The following REEP4 variants were observed in gnomAD, a reference collection of about 807,000 sequenced individuals.
The protein encoded by REEP4 is receptor accessory protein 4, also known as receptor expression-enhancing protein 4.
In REEP4, 17 loss-of-function variants were observed where a neutral mutation model predicts 33.5. The ratio of observed to expected loss-of-function variants is 0.51; its 90% CI spans 0.35 to 0.76. The LOEUF is 0.76. REEP4 is among the 30% of genes least tolerant of loss of function. The probability of loss-of-function intolerance (pLI) is 0.01; values close to 1 mark genes in which losing one functional copy is unlikely to be tolerated. For missense variants in REEP4, 340 were observed against 357.9 expected (o/e 0.95, Z 0.40); for synonymous variants, 157 against 142.9 (o/e 1.10, Z -0.70).
At chr8:22,138,872 G>A (rs747610970) in intron 6 of REEP4, 54 bp downstream of exon 6, 4 of 1,550,254 alleles carry the variant, frequency 2.6e-6, no homozygotes, top group Non-Finnish European at 3.5e-6. Context: ...GCCATGGTGT[G>A]AGTGAAGGAA....
At position 22,138,436 on chromosome 8, in the gene REEP4, C is replaced by T; in HGVS notation, c.*51G>A. ...TGCAGCCCAAGGTCCCTCCAAATAG[C>T]CCTGGAGCCCTGCAGGGCACGAGGT... On this transcript the variant is annotated 3_prime_UTR_variant, in exon 8 of 8. Coordinates refer to ENST00000306306, the MANE Select transcript of REEP4 (RefSeq NM_025232.4). 2 of 1,600,894 alleles carry T rather than the reference C, an allele frequency of 1.2e-6. No homozygotes were observed. The highest frequency in any genetic ancestry group is 1.7e-6 in the Non-Finnish European group (2 of 1,172,390).
At position 22,139,051 on chromosome 8, in the gene REEP4, GC is replaced by G; in HGVS notation, c.427del (p.Ala143ArgfsTer77). On this transcript the variant is annotated frameshift_variant, in exon 6 of 8. Transcript: ENST00000306306. LOFTEE classifies it high-confidence loss of function. ...AVQAATKSQG[A>X]LAGRLRSFSM... ...GAAGCTCCGCAGCCTGCCGGCCAGC[GC>G]CCCCTGACTCTGCGAGGGGGAAGAG... 3.8e-6 allele frequency: 6 copies of G among 1,569,622 alleles called. No individual in the cohort carries two copies. The highest frequency in any genetic ancestry group is 1.2e-5 in the South Asian group (1 of 83,550).
chr8:22,138,835 C>G (rs1173133214), intron 6 of REEP4, 42 bp from the exon 7 acceptor site: 1 of 1,568,820 alleles, frequency 6.4e-7, no homozygotes, highest in East Asian at 2.2e-5. Context: ...TGCGACCAGG[C>G]CAGCCCTTCC....
Position 22,138,692 on chromosome 8 carries a change from G to A in REEP4, c.655C>T (p.Leu219=). ...ACACGCAGGCTCTGGCTGCGGATTA[G>A]GGGCTTCTCTCGGGGCCGGGCTGGC... ...RAPARPREKP[L]IRSQSLRVVK... The change falls in exon 7 of 8, where the codon CTA becomes TTA. Residue 219 remains leucine, a synonymous_variant. Coordinates refer to ENST00000306306, the MANE Select transcript of REEP4 (RefSeq NM_025232.4). The A allele has an allele frequency of 6.2e-7, 1 of 1,613,572 alleles. No homozygotes were observed. Among genetic ancestry groups the A allele is most frequent in the Non-Finnish European group, 8.5e-7 (1 of 1,179,952 alleles).
rs146300807 is a variant in REEP4 at position 22,138,701 on chromosome 8, C to G, written c.646G>C (p.Glu216Gln). 2.5e-6 allele frequency: 4 copies of G among 1,613,334 alleles called. No homozygotes were observed. Among genetic ancestry groups the G allele is most frequent in the Non-Finnish European group, 3.4e-6 (4 of 1,179,902 alleles). Residue 216 changes from glutamate (E) to glutamine (Q), a missense_variant, in exon 7 of 8, where the codon GAG becomes CAG. Coordinates refer to ENST00000306306, the MANE Select transcript of REEP4 (RefSeq NM_025232.4). Reference sequence around the variant, plus strand: ...CTCTGGCTGCGGATTAGGGGCTTCTCTCGGGGCCGGGCTGGCGCCCGGGGG... The same window carrying G: ...CTCTGGCTGCGGATTAGGGGCTTCTGTCGGGGCCGGGCTGGCGCCCGGGGG... Reference protein sequence around the residue: ...AVPRAPARPREKPLIRSQSLR... With the variant: ...AVPRAPARPRQKPLIRSQSLR...
At chr8:22,138,602 A>G (rs1171162279) in intron 7 of REEP4, 37 bp downstream of exon 7, 1 of 1,613,964 alleles carries the variant, frequency 6.2e-7, no homozygotes, top group Admixed American at 1.7e-5. Context: ...ACCAGCCAGC[A>G]GAGCCCTCCT....
Position 22,140,192 on chromosome 8 carries a change from A to T in REEP4, c.162T>A (p.Val54=), listed in dbSNP as rs776952146. Residue 54 remains valine (V), a synonymous_variant, in exon 3 of 8, where the codon GTT becomes GTA. Coordinates refer to ENST00000306306, the MANE Select transcript of REEP4 (RefSeq NM_025232.4). ...CATACCAGGAGATAAAAATGTCTGT[A>T]ACGATCTCTGCTGCCATGAAGAGTG... is the stretch of plus-strand genomic sequence containing the variant. ...VFALFMAAEI[V]TDIFISWFPF... is the part of the protein sequence containing the mutation. 1.1e-5 allele frequency: 17 copies of T among 1,614,012 alleles called. No individual in the cohort carries two copies. Among genetic ancestry groups the T allele is most frequent in the Middle Eastern group, 1.6e-4 (1 of 6,084 alleles).
chr8:22,139,858 G>A, intron 4 of REEP4, 105 bp downstream of exon 4: 1 of 1,396,972 alleles, frequency 7.2e-7, no homozygotes, highest in South Asian at 1.3e-5. Flanking sequence ...ATAGCAGCAG[G>A]ACTGGGATAG....
Position 22,141,755 on chromosome 8 carries a change from C to T in REEP4, c.-273G>A. On this transcript the variant is annotated 5_prime_UTR_variant, in exon 1 of 8. Transcript: ENST00000306306. ...CCGCGGCCGGGGCAGTTACAGCTCC[C>T]ACCCGCCCTTTCTGCCGCGGAGAAC... The T allele has an allele frequency of 5.0e-6, 2 of 400,706 alleles. No individual in the cohort carries two copies. The highest frequency in any genetic ancestry group is 8.9e-6 in the Non-Finnish European group (2 of 225,764). 24.8% of individuals were successfully genotyped at this position (400,706 alleles called of 1,614,324 possible).
At chr8:22,139,616 C>A in intron 4 of REEP4, 87 bp from the exon 5 acceptor site, 1 of 1,138,456 alleles carries the variant, frequency 8.8e-7, no homozygotes, top group Non-Finnish European at 1.3e-6. Context: ...GGTTGTGGCG[C>A]CACCCAGCCC....
In REEP4 at chr8:22,138,781, C is replaced by T; in HGVS notation, c.566G>A (p.Gly189Glu). Residue 189 changes from glycine (G) to glutamate (E), a missense_variant, in exon 7 of 8, where the codon GGG becomes GAG. Coordinates refer to ENST00000306306, the MANE Select transcript of REEP4 (RefSeq NM_025232.4). ...HRRPPIGYRA[G>E]GLQDSDTEDE... Reference sequence around the variant, plus strand: ...CTCGGTGTCGCTGTCCTGCAGGCCCCCGGCCCGGTACCCTGTGTGGAGGAG... The same window carrying T: ...CTCGGTGTCGCTGTCCTGCAGGCCCTCGGCCCGGTACCCTGTGTGGAGGAG... The T allele has an allele frequency of 6.2e-7, 1 of 1,605,132 alleles. No homozygotes were observed. Among genetic ancestry groups the T allele is most frequent in the African/African-American group, 1.3e-5 (1 of 74,302 alleles).
chr8:22,138,704 G>C lies in REEP4; in HGVS notation c.643C>G (p.Arg215Gly). The C allele has an allele frequency of 1.2e-6, 2 of 1,613,112 alleles. No homozygotes were observed. The highest frequency in any genetic ancestry group is 1.7e-6 in the Non-Finnish European group (2 of 1,179,832). The change falls in exon 7 of 8, where the codon CGA (arginine) becomes GGA (glycine). Residue 215 changes from arginine (R) to glycine (G), a missense_variant. By Grantham distance (125) the Arg-to-Gly change is moderately radical. Transcript: ENST00000306306. ...EAVPRAPARP[R>G]EKPLIRSQSL... ...TGGCTGCGGATTAGGGGCTTCTCTC[G>C]GGGCCGGGCTGGCGCCCGGGGGACT...
In REEP4 at chr8:22,141,632, C is replaced by G. The variant is rs113853499; in HGVS notation, c.-150G>C. On this transcript the variant is annotated 5_prime_UTR_variant, in exon 1 of 8. Coordinates refer to ENST00000306306, the MANE Select transcript of REEP4 (RefSeq NM_025232.4). ...CGGCGGAGGCAGAGCCCGCCGCCCA[C>G]GGCCTCCGACTGTGCAGTTCAGGGG... 132 of 730,806 alleles carry G rather than the reference C, an allele frequency of 1.8e-4. No homozygotes were observed. In the African/African-American group the frequency reaches 2.2e-3, roughly 12 times the overall value. The allele number at this position is 730,806 out of a possible 1,614,324, so 45.3% of individuals were successfully genotyped here. A position where few individuals can be genotyped will look rare whatever the true frequency, so the allele number is the denominator to read the frequency against.
intron 1 of REEP4, 81 bp from the exon 2 acceptor site, chr8:22,140,778 G>C (rs1279369159): frequency 1.6e-6 from 2 of 1,246,150 alleles, no homozygotes; most frequent in African/African-American, 3.0e-5. Flanking sequence ...CCCCACTGGG[G>C]TGCAAGGTGG....
chr8:22,140,064 T>G lies in REEP4; in HGVS notation c.202A>C (p.Ile68Leu). The G allele has an allele frequency of 6.2e-7, 1 of 1,613,672 alleles. No individual in the cohort carries two copies. ...FISWFPFYYE[I>L]KMAFVLWLLS... Reference sequence around the variant, plus strand: ...AGCCACAGCACGAAGGCCATCTTGATCTCATAGTAGAAAGGGAACCTGTCA... The same window carrying G: ...AGCCACAGCACGAAGGCCATCTTGAGCTCATAGTAGAAAGGGAACCTGTCA... Residue 68 changes from isoleucine (I) to leucine (L), a missense_variant, in exon 4 of 8, where the codon ATC becomes CTC. Ile to Leu is a conservative substitution (Grantham distance 5). Coordinates refer to ENST00000306306, the MANE Select transcript of REEP4 (RefSeq NM_025232.4).
rs924637527 is a variant in REEP4 at position 22,140,646 on chromosome 8, C to T, written c.84G>A (p.Lys28=). 1.2e-6 allele frequency: 2 copies of T among 1,613,852 alleles called. No individual in the cohort carries two copies. The highest frequency in any genetic ancestry group is 4.5e-5 in the East Asian group (2 of 44,890). ...CPAYASYKAV[K]TKNIREYVRW... ...TCACATATTCACGAATGTTCTTGGT[C>T]TTCACAGCCTTATAGGAAGCATAAG... The change falls in exon 2 of 8, where the codon AAG becomes AAA. Residue 28 remains lysine, a synonymous_variant. Coordinates refer to ENST00000306306, the MANE Select transcript of REEP4 (RefSeq NM_025232.4).
chr8:22,138,301 T>C lies in REEP4; in HGVS notation c.*186A>G, dbSNP rs1412835263. ...CCTGGGCCCAGCCTGCTTTGGTACATTGTGGGTGCATCCCTGCATGTGGCC... is the reference window on the plus strand; with the variant it reads ...CCTGGGCCCAGCCTGCTTTGGTACACTGTGGGTGCATCCCTGCATGTGGCC... On this transcript the variant is annotated 3_prime_UTR_variant, in exon 8 of 8. Coordinates refer to ENST00000306306, the MANE Select transcript of REEP4 (RefSeq NM_025232.4). 1 of 534,510 alleles carries C rather than the reference T, an allele frequency of 1.9e-6. No individual in the cohort carries two copies. The highest frequency in any genetic ancestry group is 3.4e-5 in the East Asian group (1 of 29,834). The allele number at this position is 534,510 out of a possible 1,614,324, so 33.1% of individuals were successfully genotyped here.
In REEP4 at chr8:22,139,946, G is replaced by T. The variant is rs564892603; in HGVS notation, c.303+17C>A. 6.4e-7 allele frequency: 1 copy of T among 1,572,928 alleles called. No individual in the cohort carries two copies. The highest frequency in any genetic ancestry group is 8.6e-7 in the Non-Finnish European group (1 of 1,158,152). On this transcript the variant is annotated intron_variant, in intron 4 of 7. Coordinates refer to ENST00000306306, the MANE Select transcript of REEP4 (RefSeq NM_025232.4). ...TACCCACCCCTAAGCCTCCCTTCCC[G>T]CTTCCCCCTGGGGTACCTTCTCATG...
intron 1 of REEP4, among the ~76,000 whole-genome samples, chr8:22,140,930 A>G (rs992883081): frequency 4.9e-4 from 74 of 151,980 alleles, no homozygotes; most frequent in African/African-American, 1.7e-3. Flanking sequence ...TGCATGATGG[A>G]GTGAGAGGAC....
Sources: gnomAD v4.1 joint callset for allele counts (sites outside exome capture counted in the v4.1 genomes callset) on GRCh38, gnomAD v4.1.1 for gene constraint, MANE v1.5 for transcripts, NCBI Gene and HGNC (gene_info 2026-07-23, HGNC 2026-07-21) for gene names.